SLC44A4: variants seen among roughly 807,000 people sequenced by gnomAD.
The protein encoded by SLC44A4 is choline transporter-like protein 4.
A neutral mutation model predicts 97.0 loss-of-function variants in SLC44A4; 74 were observed. The ratio of observed to expected loss-of-function variants is 0.76; its 90% CI spans 0.63 to 0.93. SLC44A4 has a LOEUF of 0.93. Ranked by LOEUF, SLC44A4 falls within the 40% of genes least tolerant of loss-of-function variation. The probability of loss-of-function intolerance (pLI) is 0.00; values close to 1 mark genes in which losing one functional copy is unlikely to be tolerated. For missense variants in SLC44A4, 799 were observed against 902.9 expected, an observed-to-expected ratio of 0.88 and a Z score of 1.48; for synonymous variants, 325 against 363.8, an observed-to-expected ratio of 0.89 and a Z score of 1.21.
Position 31,866,087 on chromosome 6 carries a change from C to G in SLC44A4, c.1273G>C (p.Val425Leu). The stretch of plus-strand genomic sequence containing the variant: ...CCTTTGGATGAGTAGCCCTGGAAGA[C>G]GCACATCAGCCCTGGGCACGAGGAG... ...VNSSCPGLMCVFQGYSSKGLI... is the reference protein window; with the variant it reads ...VNSSCPGLMCLFQGYSSKGLI... Residue 425 changes from valine (V) to leucine (L), a missense_variant, in exon 14 of 21, where the codon GTC becomes CTC. Coordinates refer to ENST00000229729, the MANE Select transcript of SLC44A4 (RefSeq NM_025257.3). The G allele has an allele frequency of 6.2e-7, 1 of 1,614,116 alleles. No individual in the cohort carries two copies. The highest frequency in any genetic ancestry group is 8.5e-7 in the Non-Finnish European group (1 of 1,180,000).
rs1391922041 is a variant in SLC44A4 at position 31,878,271 on chromosome 6, C to T, written c.40+670G>A. On this transcript the variant is annotated intron_variant, in intron 1 of 20. Coordinates refer to ENST00000229729, the MANE Select transcript of SLC44A4 (RefSeq NM_025257.3). This position sits in a 1 kb window ranked among gnomAD's most constrained non-coding sequence, Gnocchi z 4.0. The stretch of plus-strand genomic sequence containing the variant: ...TCCTCAGAGTACCCCAAGACCAGCT[C>T]CTGCTCCTAGCTCCTCACAGAGACC... 6.6e-6 allele frequency among the ~76,000 whole-genome samples: 1 copy of T among 151,938 alleles called. No homozygotes were observed. Among genetic ancestry groups the T allele is most frequent in the Non-Finnish European group, 1.5e-5 (1 of 67,938 alleles).
At chr6:31,871,291 A>G (rs767197657) in intron 9 of SLC44A4, 23 bp downstream of exon 9, 45 of 1,603,636 alleles carry the variant, frequency 2.8e-5, no homozygotes, top group East Asian at 8.9e-5. Flanking sequence ...AGGACACAAG[A>G]GGAGGGGAAT....
At chr6:31,873,231 C>T (rs997925689) in intron 7 of SLC44A4, among the ~76,000 whole-genome samples, 3 of 151,696 alleles carry the variant, frequency 2.0e-5, no homozygotes, top group South Asian at 2.1e-4. Flanking sequence ...AGTACAGTGG[C>T]ACGATCTTGG....
At chr6:31,873,855 A>G (rs1384379937) in intron 7 of SLC44A4, among the ~76,000 whole-genome samples, 1 of 152,022 alleles carries the variant, frequency 6.6e-6, no homozygotes, top group East Asian at 1.9e-4. Flanking sequence ...TGGGTGGATC[A>G]CGAAGTTAGG....
At chr6:31,868,791 G>A (rs1484501969) in intron 13 of SLC44A4, among the ~76,000 whole-genome samples, 1 of 123,706 alleles carries the variant, frequency 8.1e-6, no homozygotes, top group Non-Finnish European at 1.7e-5. Context: ...GCAAGACCCT[G>A]TCTCAAAACA....
At position 31,865,161 on chromosome 6, in the gene SLC44A4, C is replaced by G. The variant is rs1762781024; in HGVS notation, c.1761-81G>C. 6.4e-7 allele frequency: 1 copy of G among 1,561,750 alleles called. No individual in the cohort carries two copies. Among genetic ancestry groups the G allele is most frequent in the Non-Finnish European group, 8.8e-7 (1 of 1,133,052 alleles). On this transcript the variant is annotated intron_variant, in intron 17 of 20. Coordinates refer to ENST00000229729, the MANE Select transcript of SLC44A4 (RefSeq NM_025257.3). This position sits in a 1 kb window ranked among gnomAD's most constrained non-coding sequence, Gnocchi z 5.2. Reference sequence around the variant, plus strand: ...AAATTGGCTTCGTAATTTGTGGGGACTGGTGCAAAATGAAAATTGTTCACG... The same window carrying G: ...AAATTGGCTTCGTAATTTGTGGGGAGTGGTGCAAAATGAAAATTGTTCACG...
intron 13 of SLC44A4, among the ~76,000 whole-genome samples, chr6:31,866,962 A>C (rs1034726690): frequency 1.3e-5 from 2 of 152,252 alleles, no homozygotes; most frequent in Middle Eastern, 3.4e-3. Flanking sequence ...AGGGTTGTGG[A>C]ATCTGGGTAC....
At position 31,875,923 on chromosome 6, in the gene SLC44A4, C is replaced by T; in HGVS notation, c.171G>A (p.Leu57=). 6.2e-7 allele frequency: 1 copy of T among 1,613,914 alleles called. No homozygotes were observed. The highest frequency in any genetic ancestry group is 8.5e-7 in the Non-Finnish European group (1 of 1,179,970). The change falls in exon 4 of 21, where the codon TTG becomes TTA. Residue 57 remains leucine (L), a synonymous_variant. Transcript: ENST00000229729. Reference sequence around the variant, plus strand: ...AGAGGACTTGCCGGGGGTCTCCATACAACCAGGCTGCAGACAGAGGCACAG... The same window carrying T: ...AGAGGACTTGCCGGGGGTCTCCATATAACCAGGCTGCAGACAGAGGCACAG... ...GYIVVGIVAW[L]YGDPRQVLYP...
At position 31,871,131 on chromosome 6, in the gene SLC44A4, C is replaced by T. The variant is rs531658187; in HGVS notation, c.702-84G>A. On this transcript the variant is annotated intron_variant, in intron 9 of 20. Coordinates refer to ENST00000229729, the MANE Select transcript of SLC44A4 (RefSeq NM_025257.3). ...CAGAGGCCCTCCCTGCCTTTCCACA[C>T]ACCACCCAATGTCCCCAGATTAGGC... 9 of 1,362,304 alleles carry T rather than the reference C, an allele frequency of 6.6e-6. No homozygotes were observed. The South Asian group carries it at 8.6e-5, about 13-fold the overall frequency. 84.4% of individuals were successfully genotyped at this position (1,362,304 alleles called of 1,614,324 possible).
Position 31,871,348 on chromosome 6 carries a change from C to T in SLC44A4, c.667G>A (p.Glu223Lys), listed in dbSNP as rs759748673. 1.1e-5 allele frequency: 18 copies of T among 1,614,120 alleles called. No homozygotes were observed. The highest frequency in any genetic ancestry group is 1.5e-5 in the Non-Finnish European group (18 of 1,180,020). ...CAATACCAGGACTGGGCAAAATCTT[C>T]AAAGATCTTAACACTGATGTCTCGG... ...NARDISVKIF[E>K]DFAQSWYWIL... The change falls in exon 9 of 21, where the codon GAA (glutamate) becomes AAA (lysine). Residue 223 changes from glutamate to lysine, a missense_variant. Glu to Lys is a moderately conservative substitution (Grantham distance 56, BLOSUM62 1). Around this residue, in one of 3 missense-constraint regions of SLC44A4, gnomAD observed 409 missense variants for 434.1 expected, o/e 0.94. Coordinates refer to ENST00000229729, the MANE Select transcript of SLC44A4 (RefSeq NM_025257.3).
rs1193520707 is a variant in SLC44A4 at position 31,874,756 on chromosome 6, T to C, written c.433A>G (p.Arg145Gly). 1.9e-6 allele frequency: 3 copies of C among 1,613,812 alleles called. No homozygotes were observed. Among genetic ancestry groups the C allele is most frequent in the Non-Finnish European group, 2.5e-6 (3 of 1,179,926 alleles). Residue 145 changes from arginine (R) to glycine (G), a missense_variant, in exon 6 of 21, where the codon AGG becomes GGG. This residue lies in a region of SLC44A4 where 409 missense variants were observed against 434.1 expected (regional missense o/e 0.94). Coordinates refer to ENST00000229729, the MANE Select transcript of SLC44A4 (RefSeq NM_025257.3). This position sits in a 1 kb window ranked among gnomAD's most constrained non-coding sequence, Gnocchi z 4.8. ...GGTACCCCTGGCAGACAAAAGTTCC[T>C]GTTTTTTGTATAGAAGACTTCCCCA... ...TVGEVFYTKNRNFCLPGVPWN... is the reference protein window; with the variant it reads ...TVGEVFYTKNGNFCLPGVPWN...
Position 31,870,891 on chromosome 6 carries a change from C to T in SLC44A4, c.858G>A (p.Lys286=). Residue 286 remains lysine, a synonymous_variant, in exon 10 of 21, where the codon AAG becomes AAA. Coordinates refer to ENST00000229729, the MANE Select transcript of SLC44A4 (RefSeq NM_025257.3). ...AACCCAGCTGGGAGATGGAGGCGCC[C>T]TTGTCCCGCAGCACTCGGTACTCCT... ...CWEEYRVLRD[K]GASISQLGFT... is the part of the protein sequence containing the mutation. 6.2e-7 allele frequency: 1 copy of T among 1,613,056 alleles called. No individual in the cohort carries two copies. The highest frequency in any genetic ancestry group is 8.5e-7 in the Non-Finnish European group (1 of 1,180,006).
In SLC44A4 at chr6:31,878,463, A is replaced by G. The variant is rs1763576189; in HGVS notation, c.40+478T>C. Among the ~76,000 whole-genome samples the G allele has an allele frequency of 6.6e-6, 1 of 152,022 alleles. No homozygotes were observed. The highest frequency in any genetic ancestry group is 2.4e-5 in the African/African-American group (1 of 41,370). On this transcript the variant is annotated intron_variant, in intron 1 of 20. Coordinates refer to ENST00000229729, the MANE Select transcript of SLC44A4 (RefSeq NM_025257.3). This position sits in a 1 kb window ranked among gnomAD's most constrained non-coding sequence, Gnocchi z 4.0. ...TCCTCAAGGGAGCCGGCAGACCACA[A>G]GCAGCTTTCGCCCTCAGAGACCCAG...
At chr6:31,864,630 G>C (rs1487066688) in intron 20 of SLC44A4, 22 bp downstream of exon 20, 2 of 1,609,960 alleles carry the variant, frequency 1.2e-6, no homozygotes, top group South Asian at 2.2e-5. Flanking sequence ...GTTGGGGACA[G>C]GTGGCTGGGG....
chr6:31,869,458 C>T, intron 12 of SLC44A4, 87 bp downstream of exon 12: 2 of 1,206,970 alleles, frequency 1.7e-6, no homozygotes, highest in Non-Finnish European at 2.4e-6. Context: ...TCCAGTGACA[C>T]CAAGGCACTC....
chr6:31,869,111 T>C, intron 13 of SLC44A4, 44 bp downstream of exon 13: 1 of 1,510,718 alleles, frequency 6.6e-7, no homozygotes, highest in Admixed American at 1.9e-5. Context: ...CTACAGCCCC[T>C]CACCCCTACT....
At chr6:31,875,339 C>T (rs530450946) in intron 4 of SLC44A4, among the ~76,000 whole-genome samples, 1 of 152,238 alleles carries the variant, frequency 6.6e-6, no homozygotes, top group Admixed American at 6.5e-5. Flanking sequence ...CCATATAAAA[C>T]AGTAGTGCCT....
chr6:31,869,320 G>T, intron 12 of SLC44A4, 63 bp from the exon 13 acceptor site: 1 of 1,297,542 alleles, frequency 7.7e-7, no homozygotes, highest in Non-Finnish European at 1.1e-6. Context: ...GCTCCTTAGG[G>T]ACCTGTTCCT....
chr6:31,864,172 T>C (rs1762708741), intron 20 of SLC44A4, among the ~76,000 whole-genome samples: 2 of 152,014 alleles, frequency 1.3e-5, no homozygotes, highest in Non-Finnish European at 2.9e-5. Context: ...CCTCCTGAGT[T>C]CAAGCGATTC....
Sources: allele counts gnomAD v4.1 joint callset (sites outside exome capture counted in the v4.1 genomes callset), GRCh38; gene constraint gnomAD v4.1.1; regional missense constraint gnomAD v4.1.1; non-coding constraint Gnocchi (gnomAD v3.1); transcripts MANE v1.5; gene names NCBI Gene and HGNC (gene_info 2026-07-23, HGNC 2026-07-21).